SNTG2: variants seen among roughly 807,000 people sequenced by gnomAD.
SNTG2 encodes the protein gamma-2-syntrophin.
In SNTG2, 74 loss-of-function variants were observed where a neutral mutation model predicts 70.9. The observed-to-expected ratio is 1.04, with a 90% CI of 0.86 to 1.27. The LOEUF is 1.27. Ranked by LOEUF, SNTG2 falls within the 50% of genes most tolerant of loss-of-function variation. The pLI is 0.00. For synonymous variants in SNTG2, 278 were observed against 273.8 expected (o/e 1.02, Z -0.15); for missense variants, 717 against 690.7 (o/e 1.04, Z -0.43).
At chr2:1,364,664 G>C (rs963008201) in intron 16 of SNTG2, among the ~76,000 whole-genome samples, 1 of 151,204 alleles carries the variant, frequency 6.6e-6, no homozygotes, top group Admixed American at 6.6e-5. Context: ...AGGCCGAGAT[G>C]GGCGGATCAC....
chr2:1,123,174 T>C (rs1201834596), intron 4 of SNTG2, among the ~76,000 whole-genome samples: 1 of 152,030 alleles, frequency 6.6e-6, no homozygotes, highest in South Asian at 2.1e-4. Flanking sequence ...GTAATCCTTA[T>C]CAAAATCCCA....
intron 6 of SNTG2, among the ~76,000 whole-genome samples, chr2:1,148,428 A>G (rs1183825872): frequency 1.3e-5 from 2 of 152,184 alleles, no homozygotes; most frequent in Non-Finnish European, 2.9e-5. Flanking sequence ...GTGGGAACCC[A>G]GAGCTGGGGA....
intron 1 of SNTG2, among the ~76,000 whole-genome samples, chr2:985,768 G>T (rs753073677): frequency 5.9e-5 from 9 of 152,042 alleles, no homozygotes; most frequent in Non-Finnish European, 1.2e-4. Context: ...GCCGACGCTG[G>T]TTGGCTTTTT....
chr2:1,172,943 C>A, intron 7 of SNTG2, 149 bp from the exon 8 acceptor site: 3 of 673,566 alleles, frequency 4.5e-6, no homozygotes, highest in Middle Eastern at 2.7e-4. Flanking sequence ...AAGTGAGAGG[C>A]CATTGGGGAT....
chr2:1,307,999 C>G (rs899965475), intron 14 of SNTG2, among the ~76,000 whole-genome samples: 2 of 152,316 alleles, frequency 1.3e-5, no homozygotes, highest in Admixed American at 1.3e-4. Context: ...GGTATCCCTG[C>G]AGTACTGCGC....
chr2:1,349,506 C>T (rs1415041333), intron 16 of SNTG2, among the ~76,000 whole-genome samples: 1 of 152,180 alleles, frequency 6.6e-6, no homozygotes, highest in Non-Finnish European at 1.5e-5. Flanking sequence ...TGAACAAGAA[C>T]AGGGGTAGCT....
chr2:1,035,513 A>G (rs753843763), intron 1 of SNTG2, among the ~76,000 whole-genome samples: 11 of 152,136 alleles, frequency 7.2e-5, no homozygotes, highest in Non-Finnish European at 1.3e-4. Flanking sequence ...ACTGGAACCA[A>G]CTCTCCAGCT....
At chr2:1,052,124 TCTG>T (rs1414842852) in intron 1 of SNTG2, among the ~76,000 whole-genome samples, 1 of 152,162 alleles carries the variant, frequency 6.6e-6, no homozygotes, top group Non-Finnish European at 1.5e-5. Context: ...TAGGTTCTGG[TCTG>T]CAGCTTAGGT....
chr2:1,143,722 C>T lies in SNTG2; in HGVS notation c.411+5913C>T, dbSNP rs1228598386. Among the ~76,000 whole-genome samples, 6 of 149,272 alleles carry T rather than the reference C, an allele frequency of 4.0e-5. 1 individual carries two copies. Among genetic ancestry groups the T allele is most frequent in the Non-Finnish European group, 5.9e-5 (4 of 67,500 alleles). On this transcript the variant is annotated intron_variant, in intron 6 of 16. Transcript: ENST00000308624. ...CCATCTCTATTAAAATACAAAAAAACATTAGCTGGGAATGGTGGCGGATGC... is the reference window on the plus strand; with the variant it reads ...CCATCTCTATTAAAATACAAAAAAATATTAGCTGGGAATGGTGGCGGATGC...
At chr2:1,304,543 T>G (rs1680592256) in intron 14 of SNTG2, among the ~76,000 whole-genome samples, 1 of 152,084 alleles carries the variant, frequency 6.6e-6, no homozygotes, top group Admixed American at 6.6e-5. Context: ...CTGGTCAACA[T>G]GGTGAAACCC....
chr2:994,510 G>A (rs1006323348), intron 1 of SNTG2, among the ~76,000 whole-genome samples: 1 of 152,070 alleles, frequency 6.6e-6, no homozygotes, highest in African/African-American at 2.4e-5. Flanking sequence ...GTTTCTGACA[G>A]TCCTGGGTTC....
At chr2:1,340,594 T>A (rs1369406722) in intron 16 of SNTG2, among the ~76,000 whole-genome samples, 1 of 152,246 alleles carries the variant, frequency 6.6e-6, no homozygotes, top group Non-Finnish European at 1.5e-5. Context: ...ATATCTCTAA[T>A]GTAAGTGCAT....
intron 9 of SNTG2, among the ~76,000 whole-genome samples, chr2:1,223,866 C>T (rs112464936): frequency 8.8e-4 from 134 of 151,890 alleles, no homozygotes; most frequent in African/African-American, 2.9e-3. Context: ...GGTGGCCTTA[C>T]GCAGCACACA....
chr2:1,019,532 C>G (rs1660038412), intron 1 of SNTG2, among the ~76,000 whole-genome samples: 1 of 151,966 alleles, frequency 6.6e-6, no homozygotes, highest in African/African-American at 2.4e-5. Flanking sequence ...AGGGCAGGGT[C>G]AAAGTGGCTC....
chr2:1,262,030 A>G (rs1390323840), intron 13 of SNTG2, among the ~76,000 whole-genome samples: 1 of 152,172 alleles, frequency 6.6e-6, no homozygotes, highest in Non-Finnish European at 1.5e-5. Flanking sequence ...TCCTGTTTGG[A>G]TAATATCAAC....
intron 1 of SNTG2, among the ~76,000 whole-genome samples, chr2:1,007,842 C>T (rs757265640): frequency 3.3e-5 from 5 of 152,146 alleles, no homozygotes; most frequent in Non-Finnish European, 5.9e-5. Context: ...GGTGCGATCT[C>T]GGCTCACTGC....
At chr2:1,066,960 C>G (rs1215668003) in intron 1 of SNTG2, among the ~76,000 whole-genome samples, 1 of 152,172 alleles carries the variant, frequency 6.6e-6, no homozygotes, top group Non-Finnish European at 1.5e-5. Flanking sequence ...CGTGACCCAG[C>G]ACTGCACTGT....
rs149026544 is a variant in SNTG2 at position 1,165,933 on chromosome 2, A to G, written c.499+298A>G. ...AAACTCACCATGATTGTATTTATCT[A>G]TATGTTAACGTAGAAGCAAAGTTTA... On this transcript the variant is annotated intron_variant, in intron 7 of 16. Transcript: ENST00000308624. 1.7e-3 allele frequency among the ~76,000 whole-genome samples: 258 copies of G among 152,284 alleles called. 2 individuals are homozygous for G. The highest frequency in any genetic ancestry group is 6.1e-3 in the African/African-American group (255 of 41,542).
At chr2:1,311,224 C>T (rs182349092) in intron 15 of SNTG2, among the ~76,000 whole-genome samples, 1 of 152,304 alleles carries the variant, frequency 6.6e-6, no homozygotes, top group African/African-American at 2.4e-5. Flanking sequence ...CTGGTCTGAA[C>T]CTGAGGCTCA....
Sources: gnomAD v4.1 joint callset for allele counts (sites outside exome capture counted in the v4.1 genomes callset) on GRCh38, gnomAD v4.1.1 for gene constraint, MANE v1.5 for transcripts, NCBI Gene and HGNC (gene_info 2026-07-23, HGNC 2026-07-21) for gene names.